Variants in PSD3 observed in about 807,000 individuals in gnomAD.
PSD3 encodes pleckstrin and Sec7 domain containing 3.
In PSD3, 49 loss-of-function variants were observed where a neutral mutation model predicts 105.5. That is an observed-to-expected ratio of 0.46 (90% CI 0.37 to 0.59). The LOEUF (loss-of-function observed/expected upper bound fraction) is 0.59. Ranked by LOEUF, PSD3 falls within the 20% of genes least tolerant of loss-of-function variation. PSD3 has a pLI of 0.00. For missense variants in PSD3, 1,561 were observed against 1,263.8 expected (o/e 1.24, Z -3.57); for synonymous variants, 557 against 457.8 (o/e 1.22, Z -2.77).
chr8:18,876,651 C>T (rs866772945), intron 2 of PSD3, among the ~76,000 whole-genome samples: 5 of 152,140 alleles, frequency 3.3e-5, no homozygotes, highest in African/African-American at 9.7e-5. Context: ...ACGCCTGCCT[C>T]GGCCTCCTAA....
rs745567930 is a variant in PSD3 at position 18,556,221 on chromosome 8, A to G, written c.2916T>C (p.Tyr972=). 1 of 1,613,714 alleles carries G rather than the reference A, an allele frequency of 6.2e-7. No homozygotes were observed. Among genetic ancestry groups the G allele is most frequent in the Non-Finnish European group, 8.5e-7 (1 of 1,179,866 alleles). The change falls in exon 15 of 16, where the codon TAT becomes TAC. Residue 972 remains tyrosine, a synonymous_variant. Coordinates refer to ENST00000327040, the MANE Select transcript of PSD3 (RefSeq NM_015310.4). ...DVDEYKLKDH[Y]LEFEKTRYEM... ...GGGTGCAACACACCTCAAACTCCAGATAGTGGTCTTTCAGTTTGTACTCAT... is the reference window on the plus strand; with the variant it reads ...GGGTGCAACACACCTCAAACTCCAGGTAGTGGTCTTTCAGTTTGTACTCAT...
At chr8:19,013,223 A>C (rs1344488205) in intron 1 of PSD3, among the ~76,000 whole-genome samples, 1 of 151,862 alleles carries the variant, frequency 6.6e-6, no homozygotes, top group Non-Finnish European at 1.5e-5. Flanking sequence ...ATAGTCCCTA[A>C]ATACAAGCTG....
At chr8:18,781,139 C>T (rs1312116253) in intron 8 of PSD3, among the ~76,000 whole-genome samples, 6 of 152,136 alleles carry the variant, frequency 3.9e-5, no homozygotes, top group African/African-American at 7.2e-5. Flanking sequence ...CCATCCACCA[C>T]GTTGATTTCT....
intron 9 of PSD3, among the ~76,000 whole-genome samples, chr8:18,660,861 T>A (rs1184509155): frequency 2.0e-5 from 3 of 152,208 alleles, no homozygotes; most frequent in Admixed American, 1.3e-4. Context: ...GAATGACTCT[T>A]TGAATTTGAA....
chr8:18,641,910 A>C (rs865932538), intron 10 of PSD3, among the ~76,000 whole-genome samples: 8 of 152,222 alleles, frequency 5.3e-5, no homozygotes, highest in Non-Finnish European at 1.0e-4. Flanking sequence ...TACCAAAAAT[A>C]AAAAAGAAAG....
At chr8:18,999,603 T>G (rs1346200722) in intron 1 of PSD3, among the ~76,000 whole-genome samples, 1 of 151,906 alleles carries the variant, frequency 6.6e-6, no homozygotes, top group African/African-American at 2.4e-5. Flanking sequence ...AAGAAGCCAT[T>G]AAATGGCCAC....
chr8:19,013,700 T>G lies in PSD3; in HGVS notation c.-117A>C, dbSNP rs2129475515. On this transcript the variant is annotated 5_prime_UTR_variant, in exon 1 of 16. Coordinates refer to ENST00000327040, the MANE Select transcript of PSD3 (RefSeq NM_015310.4). ...GTGCTCTTTGTTGAGCTCCCGGGAC[T>G]GCCGAGAGGCGGCGGCCCGCGCGCA... The G allele has an allele frequency of 5.4e-6, 5 of 921,930 alleles. No homozygotes were observed. The highest frequency in any genetic ancestry group is 6.9e-6 in the Non-Finnish European group (5 of 728,158). 57.1% of individuals were successfully genotyped at this position (921,930 alleles called of 1,614,324 possible).
chr8:19,008,392 T>C (rs1211231476), intron 1 of PSD3, among the ~76,000 whole-genome samples: 1 of 152,192 alleles, frequency 6.6e-6, no homozygotes, highest in Non-Finnish European at 1.5e-5. Flanking sequence ...GCTGTCAATT[T>C]CCAAGCATTT....
intron 1 of PSD3, among the ~76,000 whole-genome samples, chr8:19,059,229 A>G (rs940860778): frequency 6.6e-6 from 1 of 152,254 alleles, no homozygotes; most frequent in Middle Eastern, 3.2e-3. Context: ...GCCAGGAATC[A>G]AACCAGGAAA....
rs143270661 is a variant in PSD3 at position 18,799,367 on chromosome 8, C to T, written c.2024-14G>A. The T allele has an allele frequency of 2.7e-4, 424 of 1,570,338 alleles. 6 individuals carry two copies. In the East Asian group the frequency reaches 9.6e-3, roughly 36 times the overall value. On this transcript the variant is annotated splice_polypyrimidine_tract_variant and intron_variant, in intron 7 of 15. Transcript: ENST00000327040. ...AATGGACTCCATCTAAAGAAAGATA[C>T]AAGAAAAAAAAGCATGAATTCGCTT...
rs1484528599 is a variant in PSD3, at chr8:18,597,198, C to G, written c.2481+3166G>C. On this transcript the variant is annotated intron_variant, in intron 12 of 15. Coordinates refer to ENST00000327040, the MANE Select transcript of PSD3 (RefSeq NM_015310.4). ...TAATAAATGGTGCTGGGAAAACTGG[C>G]TAGCCATATGTAGAAAGCTGAAACT... is the stretch of plus-strand genomic sequence containing the variant. Among the ~76,000 whole-genome samples, 4 of 6,378 alleles carry G rather than the reference C, an allele frequency of 6.3e-4. 2 individuals are homozygous for G. Among genetic ancestry groups the G allele is most frequent in the Admixed American group, 6.0e-3 (2 of 336 alleles). The allele number at this position is 6,378 out of a possible 152,430, so 4.2% of individuals were successfully genotyped here.
intron 3 of PSD3, among the ~76,000 whole-genome samples, 154 bp from the exon 4 acceptor site, chr8:18,868,223 T>A (rs1005566666): frequency 1.3e-5 from 2 of 152,206 alleles, no homozygotes; most frequent in African/African-American, 4.8e-5. Flanking sequence ...CTATGAAATA[T>A]AATCAGGTTG....
intron 10 of PSD3, among the ~76,000 whole-genome samples, chr8:18,641,895 T>G (rs1444030817): frequency 6.6e-6 from 1 of 152,126 alleles, no homozygotes; most frequent in Non-Finnish European, 1.5e-5. Context: ...TGGATCTTTG[T>G]CACTTACCAA....
intron 1 of PSD3, among the ~76,000 whole-genome samples, chr8:18,986,860 G>A (rs962508922): frequency 6.6e-6 from 1 of 152,122 alleles, no homozygotes; most frequent in Non-Finnish European, 1.5e-5. Context: ...ATGAGGACTT[G>A]AGGAAAAAAA....
At chr8:18,562,073 GAGAGAGAAGGC>G (rs1801424198) in intron 14 of PSD3, among the ~76,000 whole-genome samples, 1 of 152,212 alleles carries the variant, frequency 6.6e-6, no homozygotes, top group Admixed American at 6.5e-5. Flanking sequence ...GAGGAAGAAT[GAGAGAGAAGGC>G]AGAGAGAATC....
intron 15 of PSD3, among the ~76,000 whole-genome samples, chr8:18,549,846 A>G (rs1418208953): frequency 1.3e-5 from 2 of 152,212 alleles, no homozygotes; most frequent in Non-Finnish European, 2.9e-5. Context: ...AGGTGACATA[A>G]TCTAAAACAA....
At chr8:19,039,840 T>G (rs1170804807) in intron 1 of PSD3, among the ~76,000 whole-genome samples, 1 of 152,198 alleles carries the variant, frequency 6.6e-6, no homozygotes, top group East Asian at 1.9e-4. Flanking sequence ...AAAAGTCCCC[T>G]CCATCATGGG....
chr8:18,937,863 G>A (rs1370103979), intron 1 of PSD3, among the ~76,000 whole-genome samples: 1 of 152,202 alleles, frequency 6.6e-6, no homozygotes, highest in Non-Finnish European at 1.5e-5. Flanking sequence ...CGCCTGCAGA[G>A]ATGAGAAATA....
At chr8:18,897,035 GAC>G (rs1819198353) in intron 2 of PSD3, among the ~76,000 whole-genome samples, 1 of 151,958 alleles carries the variant, frequency 6.6e-6, no homozygotes, top group Admixed American at 6.6e-5. Flanking sequence ...TCGAACTCCT[GAC>G]CTCAGGTGAT....
Sources: allele counts gnomAD v4.1 joint callset (sites outside exome capture counted in the v4.1 genomes callset), GRCh38; gene constraint gnomAD v4.1.1; transcripts MANE v1.5; gene names NCBI Gene and HGNC (gene_info 2026-07-23, HGNC 2026-07-21).